Variants in ASMTL observed in about 807,000 individuals in gnomAD.
ASMTL encodes the protein probable bifunctional dTTP/UTP pyrophosphatase/methyltransferase protein.
A neutral mutation model predicts 60.3 loss-of-function variants in ASMTL; 57 were observed. The observed-to-expected ratio is 0.95, with a 90% CI of 0.76 to 1.18. ASMTL has a LOEUF of 1.18. Among genes scored for constraint, ASMTL ranks in the 50% most tolerant of loss-of-function variants. The pLI is 0.00. For synonymous variants in ASMTL, 419 were observed against 373.0 expected (o/e 1.12, Z -1.42); for missense variants, 981 against 852.6 (o/e 1.15, Z -1.88).
At chrX:1,404,643 A>G (rs1433709968) in intron 12 of ASMTL, among the ~76,000 whole-genome samples, 5 of 151,044 alleles carry the variant, frequency 3.3e-5, no homozygotes, top group African/African-American at 9.8e-5. Flanking sequence ...AGATGGATGC[A>G]TGGATGAGAT....
upstream of ASMTL, chrX:1,452,942 G>A: frequency 1.1e-6 from 1 of 903,002 alleles, no homozygotes. Context: ...TCCCGCCTCC[G>A]CGAGGCCACG....
chrX:1,444,898 C>A (rs1490561335), intron 1 of ASMTL, among the ~76,000 whole-genome samples: 1 of 152,116 alleles, frequency 6.6e-6, no homozygotes, highest in Admixed American at 6.5e-5. Context: ...TTCTCAAAAC[C>A]CTCAGGTCTC....
intron 12 of ASMTL, 131 bp from the exon 13 acceptor site, chrX:1,403,620 G>T (rs2089677605): frequency 8.0e-6 from 6 of 749,318 alleles, no homozygotes; most frequent in South Asian, 4.7e-5. Flanking sequence ...TTGGCCAGGG[G>T]GCCCACACAG....
intron 12 of ASMTL, among the ~76,000 whole-genome samples, chrX:1,404,789 A>T (rs779065330): frequency 1.3e-5 from 2 of 151,944 alleles, no homozygotes; most frequent in East Asian, 3.9e-4. Flanking sequence ...GGATGGATAT[A>T]TGGATGTATG....
At chrX:1,412,508 A>G (rs1417064223) in intron 12 of ASMTL, among the ~76,000 whole-genome samples, 2 of 151,916 alleles carry the variant, frequency 1.3e-5, no homozygotes, top group Middle Eastern at 3.4e-3. Flanking sequence ...GATTATAGGC[A>G]TGAGCCACCA....
intron 12 of ASMTL, among the ~76,000 whole-genome samples, chrX:1,411,286 C>A (rs1232980579): frequency 6.6e-6 from 1 of 152,140 alleles, no homozygotes; most frequent in Non-Finnish European, 1.5e-5. Flanking sequence ...TATGGGGAGT[C>A]CTGTTTCAAC....
chrX:1,440,382 A>G (rs113965334), intron 2 of ASMTL, among the ~76,000 whole-genome samples: 3,349 of 152,030 alleles, frequency 0.022, 66 homozygotes, highest in African/African-American at 0.049. Context: ...GAGCCACTGC[A>G]CCCGGCCCCG....
intron 12 of ASMTL, among the ~76,000 whole-genome samples, chrX:1,410,573 C>T (rs1314499773): frequency 9.2e-5 from 14 of 152,042 alleles, no homozygotes; most frequent in South Asian, 2.1e-4. Flanking sequence ...ACCACTACGC[C>T]GGACTAATTT....
chrX:1,412,344 C>T (rs1413285762), intron 12 of ASMTL, among the ~76,000 whole-genome samples: 1 of 152,120 alleles, frequency 6.6e-6, no homozygotes, highest in African/African-American at 2.4e-5. Context: ...TCTCCTGCCT[C>T]AGCCTCTGAA....
Position 1,452,813 on chromosome X carries a change from G to T in ASMTL, c.28C>A (p.Leu10Met). Residue 10 changes from leucine to methionine, a missense_variant, in exon 1 of 13, where the codon CTG (leucine) becomes ATG (methionine). Physicochemically the swap from Leu to Met is conservative, Grantham distance 15. Coordinates refer to ENST00000381317, the MANE Select transcript of ASMTL (RefSeq NM_004192.4). ...GCCAGCACCACGCGCTTGTGCAGCAGCTTCCCAATCACCGGGCACAGCACC... is the reference window on the plus strand; with the variant it reads ...GCCAGCACCACGCGCTTGTGCAGCATCTTCCCAATCACCGGGCACAGCACC... MVLCPVIGK[L>M]LHKRVVLASA... 2 of 1,595,584 alleles carry T rather than the reference G, an allele frequency of 1.3e-6. No homozygotes were observed. The highest frequency in any genetic ancestry group is 1.7e-6 in the Non-Finnish European group (2 of 1,177,276).
intron 5 of ASMTL, among the ~76,000 whole-genome samples, chrX:1,434,083 G>A (rs189764023): frequency 2.0e-5 from 3 of 152,292 alleles, no homozygotes; most frequent in Non-Finnish European, 4.4e-5. Flanking sequence ...GCTACTGTCA[G>A]AACTGACTGA....
intron 1 of ASMTL, among the ~76,000 whole-genome samples, chrX:1,443,140 C>CACCACCGTCGTGGACACAT (rs1373341125): frequency 1.4e-4 from 19 of 139,512 alleles, no homozygotes; most frequent in Admixed American, 6.3e-4. Flanking sequence ...CGTGGACACA[C>CACCACCGTCGTGGACACAT]GCCGCCATCT....
At chrX:1,448,953 C>T (rs1256038075) in intron 1 of ASMTL, among the ~76,000 whole-genome samples, 2 of 152,176 alleles carry the variant, frequency 1.3e-5, no homozygotes, top group Non-Finnish European at 2.9e-5. Context: ...AAAACATCAG[C>T]CTAATGGCTA....
At chrX:1,416,318 GACACACAC>G (rs377553148) in intron 11 of ASMTL, among the ~76,000 whole-genome samples, 2 of 88,592 alleles carry the variant, frequency 2.3e-5, no homozygotes, top group Non-Finnish European at 4.7e-5. Flanking sequence ...TGCACAGCTG[GACACACAC>G]ACACACGGAC....
intron 11 of ASMTL, among the ~76,000 whole-genome samples, chrX:1,414,344 AGT>A (rs1422584663): frequency 6.6e-6 from 1 of 152,032 alleles, no homozygotes; most frequent in African/African-American, 2.4e-5. Context: ...GGGGCGGGAG[AGT>A]GTGCGGTGGG....
At chrX:1,446,929 T>C (rs1357612659) in intron 1 of ASMTL, among the ~76,000 whole-genome samples, 1 of 152,266 alleles carries the variant, frequency 6.6e-6, no homozygotes, top group Non-Finnish European at 1.5e-5. Context: ...TTCTACGGTT[T>C]GAATTAAATT....
At chrX:1,438,729 C>G (rs138380489) in intron 3 of ASMTL, among the ~76,000 whole-genome samples, 62 of 152,278 alleles carry the variant, frequency 4.1e-4, no homozygotes, top group African/African-American at 1.4e-3. Context: ...TTATAATATT[C>G]TCTTGCAATT....
At chrX:1,447,764 C>T (rs2091260011) in intron 1 of ASMTL, among the ~76,000 whole-genome samples, 1 of 151,974 alleles carries the variant, frequency 6.6e-6, no homozygotes, top group Non-Finnish European at 1.5e-5. Context: ...ACACCACCAT[C>T]TTGGACACAC....
At chrX:1,431,099 A>C (rs1264756227) in intron 6 of ASMTL, among the ~76,000 whole-genome samples, 14 of 128,790 alleles carry the variant, frequency 1.1e-4, no homozygotes, top group African/African-American at 4.2e-4. Flanking sequence ...TTATATAAAT[A>C]TATAATTATA....
Sources: gnomAD v4.1 joint callset for allele counts (sites outside exome capture counted in the v4.1 genomes callset) on GRCh38, gnomAD v4.1.1 for gene constraint, MANE v1.5 for transcripts, NCBI Gene and HGNC (gene_info 2026-07-23, HGNC 2026-07-21) for gene names.